ATP6V1H: variants seen among roughly 807,000 people sequenced by gnomAD.
ATP6V1H encodes the protein V-type proton ATPase subunit H.
A neutral mutation model predicts 71.7 loss-of-function variants in ATP6V1H; 39 were observed. The ratio of observed to expected loss-of-function variants is 0.54; its 90% CI spans 0.42 to 0.71. ATP6V1H has a LOEUF of 0.71. Ranked by LOEUF, ATP6V1H falls within the 30% of genes least tolerant of loss-of-function variation. ATP6V1H has a pLI of 0.00. For missense variants in ATP6V1H, 509 were observed against 594.9 expected (o/e 0.86, Z 1.50); for synonymous variants, 192 against 199.3 (o/e 0.96, Z 0.31).
chr8:53,738,266 C>G (rs2130162974), intron 13 of ATP6V1H, among the ~76,000 whole-genome samples: 1 of 149,040 alleles, frequency 6.7e-6, no homozygotes, highest in East Asian at 2.0e-4. Context: ...CACTGCATTC[C>G]AGCCCAGGTG....
At chr8:53,823,477 T>C (rs1810725388) in intron 4 of ATP6V1H, among the ~76,000 whole-genome samples, 1 of 151,772 alleles carries the variant, frequency 6.6e-6, no homozygotes, top group African/African-American at 2.4e-5. Context: ...TTTAAATACT[T>C]AATTTTTGGG....
At chr8:53,729,784 C>T (rs1806953828) in intron 13 of ATP6V1H, among the ~76,000 whole-genome samples, 1 of 152,232 alleles carries the variant, frequency 6.6e-6, no homozygotes, top group Non-Finnish European at 1.5e-5. Flanking sequence ...GAAAGTCCAG[C>T]CGCAGCTCTG....
chr8:53,812,772 C>G (rs922798709), intron 6 of ATP6V1H, among the ~76,000 whole-genome samples: 1 of 152,208 alleles, frequency 6.6e-6, no homozygotes. Flanking sequence ...CAGCTCACTA[C>G]AGCCTCAACC....
chr8:53,738,533 A>G (rs1342526977), intron 13 of ATP6V1H, among the ~76,000 whole-genome samples: 3 of 152,354 alleles, frequency 2.0e-5, no homozygotes, highest in Admixed American at 1.3e-4. Context: ...TACAAAGCCA[A>G]TCGTAAGCAA....
chr8:53,795,629 C>T lies in ATP6V1H; in HGVS notation c.870+18G>A. The T allele has an allele frequency of 6.2e-7, 1 of 1,609,076 alleles. No individual in the cohort carries two copies. The highest frequency in any genetic ancestry group is 8.5e-7 in the Non-Finnish European group (1 of 1,178,376). On this transcript the variant is annotated intron_variant, in intron 9 of 13. Coordinates refer to ENST00000359530, the MANE Select transcript of ATP6V1H (RefSeq NM_015941.4). ...GAAAAATGCCTCACATACACACAAA[C>T]CAACATAAAACACTTACACGAAATG...
At chr8:53,764,160 AC>A (rs942899271) in intron 11 of ATP6V1H, among the ~76,000 whole-genome samples, 199 of 152,292 alleles carry the variant, frequency 1.3e-3, no homozygotes, top group African/African-American at 4.7e-3. Context: ...CAGCGGGAAC[AC>A]CTCTTAACTC....
intron 9 of ATP6V1H, among the ~76,000 whole-genome samples, chr8:53,779,975 A>G (rs1306383867): frequency 6.6e-6 from 1 of 152,098 alleles, no homozygotes; most frequent in Non-Finnish European, 1.5e-5. Context: ...CCTGGCCAAC[A>G]CAGTGAAACC....
chr8:53,740,143 G>C (rs1807361707), intron 13 of ATP6V1H, among the ~76,000 whole-genome samples: 2 of 152,006 alleles, frequency 1.3e-5, no homozygotes, highest in Non-Finnish European at 2.9e-5. Flanking sequence ...ACATTATCAA[G>C]AAACTTAATA....
chr8:53,764,218 A>C (rs1808371272), intron 11 of ATP6V1H, among the ~76,000 whole-genome samples: 1 of 152,194 alleles, frequency 6.6e-6, no homozygotes. Flanking sequence ...AGAAAAAAAC[A>C]TCACAAGAAA....
chr8:53,833,151 AT>A, intron 2 of ATP6V1H, 65 bp from the exon 3 acceptor site: 1 of 1,298,176 alleles, frequency 7.7e-7, no homozygotes, highest in Non-Finnish European at 1.1e-6. Flanking sequence ...CGATAGAGGA[AT>A]TTTCAGTCCT....
At chr8:53,818,320 G>A (rs949943266) in intron 4 of ATP6V1H, among the ~76,000 whole-genome samples, 1 of 152,038 alleles carries the variant, frequency 6.6e-6, no homozygotes, top group Non-Finnish European at 1.5e-5. Context: ...TATTTGTTAT[G>A]TAAGTTCTTT....
intron 9 of ATP6V1H, among the ~76,000 whole-genome samples, chr8:53,780,726 T>G (rs922447702): frequency 1.3e-5 from 2 of 152,058 alleles, no homozygotes; most frequent in African/African-American, 4.8e-5. Flanking sequence ...GTGTGTGATG[T>G]TCCCCTTCCT....
chr8:53,767,956 A>C (rs1208268096), intron 11 of ATP6V1H, among the ~76,000 whole-genome samples: 1 of 152,240 alleles, frequency 6.6e-6, no homozygotes, highest in Admixed American at 6.5e-5. Context: ...GAAATTTTAA[A>C]ACTTTTGTGC....
chr8:53,731,774 T>A (rs747444051), intron 13 of ATP6V1H, among the ~76,000 whole-genome samples: 24 of 152,258 alleles, frequency 1.6e-4, no homozygotes, highest in Non-Finnish European at 2.5e-4. Flanking sequence ...AGCGAGGTAA[T>A]TAACAGATGG....
Position 53,763,399 on chromosome 8 carries a change from T to C in ATP6V1H, c.1175+6219A>G, listed in dbSNP as rs1048098214. The stretch of plus-strand genomic sequence containing the variant: ...TTTAACAAAAGACATGCAAAACTTA[T>C]TTTCTGAAATCTACAAAACACTGTT... On this transcript the variant is annotated intron_variant, in intron 11 of 13. Coordinates refer to ENST00000359530, the MANE Select transcript of ATP6V1H (RefSeq NM_015941.4). 3.3e-5 allele frequency among the ~76,000 whole-genome samples: 5 copies of C among 152,344 alleles called. No individual in the cohort carries two copies. The South Asian group carries it at 8.3e-4, about 25-fold the overall frequency.
intron 2 of ATP6V1H, 109 bp from the exon 3 acceptor site, chr8:53,833,195 C>T: frequency 1.3e-6 from 1 of 771,546 alleles, no homozygotes; most frequent in Non-Finnish European, 2.1e-6. Flanking sequence ...ACCACAAGGG[C>T]TGACGCAAGG....
intron 9 of ATP6V1H, among the ~76,000 whole-genome samples, chr8:53,795,318 T>C (rs1809692612): frequency 2.0e-5 from 3 of 152,146 alleles, no homozygotes; most frequent in Admixed American, 2.0e-4. Flanking sequence ...CTAACATACA[T>C]GCTCCATAAG....
chr8:53,810,405 A>C (rs1347879950), intron 7 of ATP6V1H, among the ~76,000 whole-genome samples: 1 of 151,844 alleles, frequency 6.6e-6, no homozygotes, highest in Admixed American at 6.5e-5. Context: ...TTAATTATGT[A>C]GATTATTTAT....
chr8:53,771,451 A>G (rs973875835), intron 10 of ATP6V1H, among the ~76,000 whole-genome samples: 13 of 152,180 alleles, frequency 8.5e-5, no homozygotes, highest in Non-Finnish European at 1.6e-4. Context: ...GAGGGGTTAG[A>G]AGGCTTTTTG....
Sources: allele counts gnomAD v4.1 joint callset (sites outside exome capture counted in the v4.1 genomes callset), GRCh38; gene constraint gnomAD v4.1.1; transcripts MANE v1.5; gene names NCBI Gene and HGNC (gene_info 2026-07-23, HGNC 2026-07-21).